NXN: variants seen among roughly 807,000 people sequenced by gnomAD.
NXN encodes the protein nucleoredoxin.
NXN carries 16 observed loss-of-function variants against 48.6 expected under a neutral mutation model. That is an observed-to-expected ratio of 0.33 (90% confidence interval 0.22 to 0.50). The LOEUF (loss-of-function observed/expected upper bound fraction) is 0.50. NXN is among the 20% of genes least tolerant of loss of function. The pLI, the probability that NXN is intolerant of heterozygous loss-of-function variation, is 0.98. For synonymous variants in NXN, 281 were observed against 269.6 expected (o/e 1.04, Z -0.41); for missense variants, 492 against 605.5 (o/e 0.81, Z 1.97).
rs552072210 is a variant in NXN, at chr17:958,940, AAC to A, written c.360+20377_360+20378del. ...GCCTGAGACTTGTCTTTAAAAAAGA[AAC>A]ACACACACACACATACACACACACA... On this transcript the variant is annotated intron_variant, in intron 1 of 7. Coordinates refer to ENST00000336868, the MANE Select transcript of NXN (RefSeq NM_022463.5). The surrounding 1 kb of genome is among the most constrained non-coding windows in gnomAD (Gnocchi z 6.9). 134 of 159,812 alleles carry A rather than the reference AAC, an allele frequency of 8.4e-4. No individual in the cohort carries two copies. Among genetic ancestry groups the A allele is most frequent in the Middle Eastern group, 3.0e-3 (1 of 328 alleles). The allele number at this position is 159,812 out of a possible 1,614,324, so 9.9% of individuals were successfully genotyped here.
Position 958,657 on chromosome 17 carries a change from G to C in NXN, c.360+20662C>G, listed in dbSNP as rs1370080309. On this transcript the variant is annotated intron_variant, in intron 1 of 7. Transcript: ENST00000336868. The surrounding 1 kb of genome is among the most constrained non-coding windows in gnomAD (Gnocchi z 6.9). ...GTGGTGGCGTGCGCCTGTAGTCCCA[G>C]CTACTCAGGAGGCTGAGGCAGGAGA... Among the ~76,000 whole-genome samples the C allele has an allele frequency of 6.6e-6, 1 of 152,142 alleles. No homozygotes were observed. Among genetic ancestry groups the C allele is most frequent in the Non-Finnish European group, 1.5e-5 (1 of 68,044 alleles).
At chr17:922,797 G>A (rs1240728004) in intron 1 of NXN, among the ~76,000 whole-genome samples, 4 of 150,324 alleles carry the variant, frequency 2.7e-5, no homozygotes, top group African/African-American at 7.2e-5. Context: ...GACTACAGGT[G>A]CCCGCCACCA....
chr17:849,773 G>A lies in NXN; in HGVS notation c.361-23695C>T, dbSNP rs527324276. ...GTGGAGGTGAGAACCATAAACTCAC[G>A]TCAAGGGCAGGCAGGGGTCGCCTTG... On this transcript the variant is annotated intron_variant, in intron 1 of 7. Transcript: ENST00000336868. This position sits in a 1 kb window ranked among gnomAD's most constrained non-coding sequence, Gnocchi z 4.2. 1.1e-4 allele frequency among the ~76,000 whole-genome samples: 16 copies of A among 152,180 alleles called. No homozygotes were observed. The highest frequency in any genetic ancestry group is 1.6e-4 in the Non-Finnish European group (11 of 68,036).
At chr17:834,688 T>C (rs1913693510) in intron 1 of NXN, among the ~76,000 whole-genome samples, 1 of 151,514 alleles carries the variant, frequency 6.6e-6, no homozygotes, top group African/African-American at 2.4e-5. Context: ...CCCGACCTAA[T>C]TTTGTATTTT....
chr17:814,364 C>G (rs1000764866), intron 5 of NXN, among the ~76,000 whole-genome samples: 1 of 152,186 alleles, frequency 6.6e-6, no homozygotes, highest in Admixed American at 6.6e-5. Context: ...CGGCAACCCA[C>G]GGGCCCTCAC....
intron 1 of NXN, among the ~76,000 whole-genome samples, chr17:866,239 C>A (rs2068094505): frequency 6.6e-6 from 1 of 151,858 alleles, no homozygotes; most frequent in South Asian, 2.1e-4. Flanking sequence ...CAGACAATAC[C>A]CGTCACATAC....
At chr17:969,028 T>G (rs193063780) in intron 1 of NXN, among the ~76,000 whole-genome samples, 2 of 152,192 alleles carry the variant, frequency 1.3e-5, no homozygotes, top group African/African-American at 4.8e-5. Flanking sequence ...AGTCTCTAGA[T>G]ACAAATAAAT....
At chr17:892,201 A>T (rs1251197223) in intron 1 of NXN, among the ~76,000 whole-genome samples, 1 of 150,508 alleles carries the variant, frequency 6.6e-6, no homozygotes, top group Non-Finnish European at 1.5e-5. Flanking sequence ...CAGGGAACTA[A>T]GCTAACCCCA....
Position 966,320 on chromosome 17 carries a change from A to G in NXN, c.360+12999T>C, listed in dbSNP as rs545505163. 5.7e-4 allele frequency among the ~76,000 whole-genome samples: 86 copies of G among 151,552 alleles called. No individual in the cohort carries two copies. In the East Asian group the frequency reaches 0.012, roughly 21 times the overall value. ...TTTTTTTGCTATTTGCTTTTTTTTT[A>G]GCTCATCAGCTATCACTAGTGTTGT... On this transcript the variant is annotated intron_variant, in intron 1 of 7. Transcript: ENST00000336868.
chr17:976,203 T>G (rs1486313593), intron 1 of NXN, among the ~76,000 whole-genome samples: 1 of 150,076 alleles, frequency 6.7e-6, no homozygotes, highest in Non-Finnish European at 1.5e-5. Context: ...TTTTTTTTGG[T>G]GTTTTCTCAC....
intron 1 of NXN, among the ~76,000 whole-genome samples, chr17:911,660 CT>C (rs2068637968): frequency 6.6e-6 from 1 of 151,068 alleles, no homozygotes; most frequent in East Asian, 2.0e-4. Context: ...GATGAGGTTT[CT>C]TTCACCCTGT....
At chr17:834,541 A>G (rs1248075196) in intron 1 of NXN, among the ~76,000 whole-genome samples, 1 of 152,080 alleles carries the variant, frequency 6.6e-6, no homozygotes, top group African/African-American at 2.4e-5. Context: ...CAGCCTCCTG[A>G]GTAGCTGGAA....
chr17:891,653 C>T (rs1201640826), intron 1 of NXN, among the ~76,000 whole-genome samples: 1 of 152,130 alleles, frequency 6.6e-6, no homozygotes, highest in Non-Finnish European at 1.5e-5. Context: ...ATCACAGATA[C>T]ATCAGAGACT....
chr17:824,696 G>A (rs1913003442), intron 2 of NXN, among the ~76,000 whole-genome samples: 1 of 152,178 alleles, frequency 6.6e-6, no homozygotes, highest in African/African-American at 2.4e-5. Context: ...AAAGAAAAGA[G>A]TAAAACCCAC....
chr17:858,000 C>T (rs1434239642), intron 1 of NXN, among the ~76,000 whole-genome samples: 2 of 146,802 alleles, frequency 1.4e-5, no homozygotes, highest in Non-Finnish European at 1.5e-5. Flanking sequence ...GATGGGGTCT[C>T]GCTCTGTCGC....
At chr17:803,577 GCCCTGACCCTGGGGTCCTTTCAGGCAA>G in intron 7 of NXN, 78 bp downstream of exon 7, 1 of 1,436,984 alleles carries the variant, frequency 7.0e-7, no homozygotes, top group South Asian at 1.2e-5. Context: ...AGCACAGGCA[GCCCTGACCCTGGGGTCCTTTCAGGCAA>G]CCCTGGGGCC....
chr17:807,548 G>C (rs1291493621), intron 5 of NXN, among the ~76,000 whole-genome samples: 2 of 152,240 alleles, frequency 1.3e-5, no homozygotes, highest in African/African-American at 4.8e-5. Flanking sequence ...CGTGCCTGCG[G>C]GGCCCAGGAC....
At chr17:811,735 G>A (rs1912023670) in intron 5 of NXN, among the ~76,000 whole-genome samples, 2 of 152,058 alleles carry the variant, frequency 1.3e-5, no homozygotes, top group Non-Finnish European at 2.9e-5. Flanking sequence ...CACGGCAGAG[G>A]CCGCCACCCT....
chr17:860,140 T>TA (rs1416223369), intron 1 of NXN, among the ~76,000 whole-genome samples: 14 of 152,112 alleles, frequency 9.2e-5, no homozygotes, highest in African/African-American at 3.4e-4. Context: ...TTATTATTAT[T>TA]TAAGACATAG....
Sources: gnomAD v4.1 joint callset for allele counts (sites outside exome capture counted in the v4.1 genomes callset) on GRCh38, gnomAD v4.1.1 for gene constraint, Gnocchi (gnomAD v3.1) non-coding constraint, MANE v1.5 for transcripts, NCBI Gene and HGNC (gene_info 2026-07-23, HGNC 2026-07-21) for gene names.